FBXL7: variants seen among roughly 807,000 people sequenced by gnomAD.
FBXL7 encodes F-box and leucine rich repeat protein 7.
FBXL7 carries 12 observed loss-of-function variants against 38.3 expected under a neutral mutation model. The ratio of observed to expected loss-of-function variants is 0.31; its 90% CI spans 0.20 to 0.51. FBXL7 has a LOEUF of 0.51. Ranked by LOEUF, FBXL7 falls within the 20% of genes least tolerant of loss-of-function variation. The pLI, the probability that FBXL7 is intolerant of heterozygous loss-of-function variation, is 0.98. For missense variants in FBXL7, 567 were observed against 676.4 expected (o/e 0.84, Z 1.79); for synonymous variants, 297 against 300.9 (o/e 0.99, Z 0.13).
chr5:15,842,009 C>A (rs530915661), intron 2 of FBXL7, among the ~76,000 whole-genome samples: 1 of 150,026 alleles, frequency 6.7e-6, no homozygotes, highest in Admixed American at 6.6e-5. Flanking sequence ...AACACCACAT[C>A]CCCACTGGGG....
chr5:15,656,169 CAG>C (rs1210763933), intron 2 of FBXL7, among the ~76,000 whole-genome samples: 1 of 152,178 alleles, frequency 6.6e-6, no homozygotes, highest in Admixed American at 6.5e-5. Flanking sequence ...TACAGAGAAA[CAG>C]ATATTTTCAC....
chr5:15,691,400 C>T (rs1262633056), intron 2 of FBXL7, among the ~76,000 whole-genome samples: 6 of 152,222 alleles, frequency 3.9e-5, no homozygotes, highest in Non-Finnish European at 5.9e-5. Context: ...GAATGATGCC[C>T]ATTCCGGTTG....
chr5:15,745,138 C>T (rs1735981490), intron 2 of FBXL7, among the ~76,000 whole-genome samples: 1 of 151,864 alleles, frequency 6.6e-6, no homozygotes, highest in Non-Finnish European at 1.5e-5. Flanking sequence ...ATGCATTTCT[C>T]CATAGTTAAC....
At chr5:15,839,612 A>G (rs1281300798) in intron 2 of FBXL7, among the ~76,000 whole-genome samples, 1 of 152,180 alleles carries the variant, frequency 6.6e-6, no homozygotes, top group Non-Finnish European at 1.5e-5. Context: ...GAACAACCAA[A>G]TGGATATTTT....
chr5:15,548,027 C>T (rs1737964034), intron 1 of FBXL7, among the ~76,000 whole-genome samples: 1 of 152,206 alleles, frequency 6.6e-6, no homozygotes, highest in South Asian at 2.1e-4. Flanking sequence ...AATTGGGAAA[C>T]ATCCTCCACT....
intron 1 of FBXL7, among the ~76,000 whole-genome samples, chr5:15,546,982 A>G (rs1737917591): frequency 6.6e-6 from 1 of 152,204 alleles, no homozygotes; most frequent in Non-Finnish European, 1.5e-5. Context: ...TGACACACCA[A>G]TATTTAAAAG....
At chr5:15,842,448 G>T (rs1326272478) in intron 2 of FBXL7, among the ~76,000 whole-genome samples, 1 of 152,142 alleles carries the variant, frequency 6.6e-6, no homozygotes, top group East Asian at 1.9e-4. Flanking sequence ...GAAGGGACTT[G>T]CCTTGTCTCA....
intron 2 of FBXL7, among the ~76,000 whole-genome samples, chr5:15,708,682 A>G (rs1443246902): frequency 6.6e-6 from 1 of 152,066 alleles, no homozygotes; most frequent in African/African-American, 2.4e-5. Flanking sequence ...TTGATTTTTC[A>G]TTTAAGGGAA....
chr5:15,637,297 A>G (rs1172910074), intron 2 of FBXL7, among the ~76,000 whole-genome samples: 2 of 152,246 alleles, frequency 1.3e-5, no homozygotes, highest in African/African-American at 4.8e-5. Flanking sequence ...GGGGAATGGC[A>G]GGCACAGAGT....
At chr5:15,617,977 C>CA (rs1251570009) in intron 2 of FBXL7, among the ~76,000 whole-genome samples, 3 of 151,894 alleles carry the variant, frequency 2.0e-5, no homozygotes, top group African/African-American at 7.3e-5. Flanking sequence ...TTCTCCTTTT[C>CA]AAAAATAGAA....
chr5:15,660,673 A>G (rs1039359934), intron 2 of FBXL7, among the ~76,000 whole-genome samples: 3 of 152,124 alleles, frequency 2.0e-5, no homozygotes, highest in African/African-American at 7.2e-5. Flanking sequence ...TAGATTTTCT[A>G]AAGCATGTAT....
chr5:15,647,221 T>G (rs1489309508), intron 2 of FBXL7, among the ~76,000 whole-genome samples: 2 of 152,246 alleles, frequency 1.3e-5, no homozygotes, highest in African/African-American at 4.8e-5. Context: ...GTGCATTTGA[T>G]CCTCACAAAT....
intron 2 of FBXL7, among the ~76,000 whole-genome samples, chr5:15,625,676 G>A (rs1202140096): frequency 6.6e-6 from 1 of 151,920 alleles, no homozygotes; most frequent in East Asian, 1.9e-4. Flanking sequence ...CAGCCAACCA[G>A]ACAAACAAAC....
At chr5:15,568,997 G>A (rs1445905370) in intron 1 of FBXL7, among the ~76,000 whole-genome samples, 1 of 152,154 alleles carries the variant, frequency 6.6e-6, no homozygotes, top group African/African-American at 2.4e-5. Context: ...CTATAGCCTT[G>A]TAGTATAGTT....
chr5:15,715,575 G>A (rs1744021597), intron 2 of FBXL7, among the ~76,000 whole-genome samples: 1 of 149,922 alleles, frequency 6.7e-6, no homozygotes, highest in Non-Finnish European at 1.5e-5. Context: ...GTTACACTTT[G>A]TGGGCCACGT....
At chr5:15,790,137 C>T (rs1737236427) in intron 2 of FBXL7, among the ~76,000 whole-genome samples, 1 of 152,116 alleles carries the variant, frequency 6.6e-6, no homozygotes, top group Non-Finnish European at 1.5e-5. Context: ...AAAATTTAAC[C>T]CTACTAAATT....
intron 2 of FBXL7, among the ~76,000 whole-genome samples, chr5:15,923,129 A>T (rs931317016): frequency 6.6e-6 from 1 of 152,184 alleles, no homozygotes; most frequent in African/African-American, 2.4e-5. Flanking sequence ...TTTGTCTCTG[A>T]TGTTCTCCTC....
At chr5:15,616,410 G>A (rs968710296) in intron 2 of FBXL7, among the ~76,000 whole-genome samples, 1 of 152,170 alleles carries the variant, frequency 6.6e-6, no homozygotes, top group African/African-American at 2.4e-5. Flanking sequence ...TCCTTGTGCT[G>A]TAGTTGAATG....
intron 2 of FBXL7, among the ~76,000 whole-genome samples, chr5:15,901,307 T>C (rs542448164): frequency 6.6e-6 from 1 of 152,334 alleles, no homozygotes; most frequent in South Asian, 2.1e-4. Context: ...TCTGACTGTG[T>C]CTTCACGTGG....
Sources: gnomAD v4.1 joint callset for allele counts (sites outside exome capture counted in the v4.1 genomes callset) on GRCh38, gnomAD v4.1.1 for gene constraint, MANE v1.5 for transcripts, NCBI Gene and HGNC (gene_info 2026-07-23, HGNC 2026-07-21) for gene names.